KLHL18: variants seen among roughly 807,000 people sequenced by gnomAD.
The protein encoded by KLHL18 is kelch like family member 18.
A neutral mutation model predicts 58.5 loss-of-function variants in KLHL18; 38 were observed. The ratio of observed to expected loss-of-function variants is 0.65; its 90% CI spans 0.50 to 0.85. KLHL18 has a LOEUF of 0.85. Among genes scored for constraint, KLHL18 ranks in the 40% least tolerant of loss-of-function variants. The probability of loss-of-function intolerance (pLI) is 0.00; values close to 1 mark genes in which losing one functional copy is unlikely to be tolerated. For missense variants in KLHL18, 624 were observed against 778.4 expected (o/e 0.80, Z 2.36); for synonymous variants, 303 against 301.9 (o/e 1.00, Z -0.04).
At chr3:47,341,894 T>A (rs1269801584) in intron 8 of KLHL18, among the ~76,000 whole-genome samples, 1 of 98,106 alleles carries the variant, frequency 1.0e-5, no homozygotes, top group African/African-American at 3.7e-5. Context: ...CCCTGTCTCT[T>A]TTAAAAAAAA....
At chr3:47,327,096 G>A (rs967610862) in intron 3 of KLHL18, among the ~76,000 whole-genome samples, 6 of 151,962 alleles carry the variant, frequency 3.9e-5, no homozygotes, top group African/African-American at 1.5e-4. Flanking sequence ...AAAATGAGCC[G>A]GCCGTGGTGG....
intron 1 of KLHL18, among the ~76,000 whole-genome samples, chr3:47,313,754 G>C (rs1368718992): frequency 1.3e-5 from 2 of 152,134 alleles, no homozygotes; most frequent in Non-Finnish European, 2.9e-5. Flanking sequence ...AACTCAAGCT[G>C]AGAGAAGGTA....
chr3:47,296,086 G>C (rs895897746), intron 1 of KLHL18, among the ~76,000 whole-genome samples: 6 of 152,182 alleles, frequency 3.9e-5, no homozygotes, highest in Non-Finnish European at 8.8e-5. Context: ...GTGGGGGCCT[G>C]TTCGAAGTGC....
chr3:47,300,309 A>ATATATATATATATATG (rs1244173185), intron 1 of KLHL18, among the ~76,000 whole-genome samples: 3 of 144,404 alleles, frequency 2.1e-5, no homozygotes, highest in Non-Finnish European at 4.5e-5. Context: ...ATATATATAT[A>ATATATATATATATATG]TGTGTGTATA....
At chr3:47,342,206 G>A (rs887208862) in intron 8 of KLHL18, among the ~76,000 whole-genome samples, 1 of 152,212 alleles carries the variant, frequency 6.6e-6, no homozygotes, top group Non-Finnish European at 1.5e-5. Flanking sequence ...GGCTGGGTGG[G>A]GTCGGATGGG....
Position 47,292,058 on chromosome 3 carries a change from A to C in KLHL18, c.129+8964A>C, listed in dbSNP as rs73831493. Reference sequence around the variant, plus strand: ...GATGGCTCTTACGTTCCAGTGAAACAGACAGTCTGTGTTCAGGGCCTTGAA... The same window carrying C: ...GATGGCTCTTACGTTCCAGTGAAACCGACAGTCTGTGTTCAGGGCCTTGAA... On this transcript the variant is annotated intron_variant, in intron 1 of 9. Coordinates refer to ENST00000232766, the MANE Select transcript of KLHL18 (RefSeq NM_025010.5). 1.9e-3 allele frequency among the ~76,000 whole-genome samples: 281 copies of C among 150,648 alleles called. 2 individuals carry two copies. Among genetic ancestry groups the C allele is most frequent in the African/African-American group, 6.5e-3 (269 of 41,472 alleles).
intron 1 of KLHL18, among the ~76,000 whole-genome samples, chr3:47,299,430 A>C (rs1404975569): frequency 2.0e-5 from 3 of 151,960 alleles, no homozygotes; most frequent in African/African-American, 4.8e-5. Flanking sequence ...CTTTCAGTAA[A>C]GTTGATTACC....
In KLHL18 at chr3:47,319,796, A is replaced by C; in HGVS notation, c.260+13A>C. 1.2e-6 allele frequency: 2 copies of C among 1,612,106 alleles called. No individual in the cohort carries two copies. Among genetic ancestry groups the C allele is most frequent in the Non-Finnish European group, 8.5e-7 (1 of 1,178,584 alleles). Reference sequence around the variant, plus strand: ...GAATGGACCCAAGGTACTGAATCCCACCATTAGGTTTCGCAGGCTGCTTTC... The same window carrying C: ...GAATGGACCCAAGGTACTGAATCCCCCCATTAGGTTTCGCAGGCTGCTTTC... On this transcript the variant is annotated intron_variant, in intron 2 of 9. Transcript: ENST00000232766.
In KLHL18 at chr3:47,334,744, G is replaced by C; in HGVS notation, c.823G>C (p.Ala275Pro). The C allele has an allele frequency of 1.2e-6, 2 of 1,614,170 alleles. No individual in the cohort carries two copies. The highest frequency in any genetic ancestry group is 1.7e-6 in the Non-Finnish European group (2 of 1,180,024). The change falls in exon 6 of 10, where the codon GCT (alanine) becomes CCT (proline). Residue 275 changes from alanine (A) to proline (P), a missense_variant. Transcript: ENST00000232766. The surrounding 1 kb of genome is among the most constrained non-coding windows in gnomAD (Gnocchi z 4.7). ...GCCAGAGCGCCGGCCCCACCTGCCAGCTTTCAGAACCCGGCCACGCTGCTG... is the reference window on the plus strand; with the variant it reads ...GCCAGAGCGCCGGCCCCACCTGCCACCTTTCAGAACCCGGCCACGCTGCTG... ...LMPERRPHLP[A>P]FRTRPRCCTS...
chr3:47,333,527 G>A (rs1177482953), intron 5 of KLHL18, among the ~76,000 whole-genome samples: 1 of 152,222 alleles, frequency 6.6e-6, no homozygotes, highest in Non-Finnish European at 1.5e-5. Context: ...TGCCATGTGG[G>A]AGCATCAAAG....
chr3:47,284,092 C>T (rs1342764584), intron 1 of KLHL18, among the ~76,000 whole-genome samples: 1 of 152,012 alleles, frequency 6.6e-6, no homozygotes, highest in Non-Finnish European at 1.5e-5. Flanking sequence ...ATTGTCTGGG[C>T]ATGGTAGCCT....
rs1704226454 is a variant in KLHL18, at chr3:47,346,405, G to C, written c.*2464G>C. 2 of 152,680 alleles carry C rather than the reference G, an allele frequency of 1.3e-5. No individual in the cohort carries two copies. The highest frequency in any genetic ancestry group is 4.8e-5 in the African/African-American group (2 of 41,452). The allele number at this position is 152,680 out of a possible 1,614,324, so 9.5% of individuals were successfully genotyped here. A position where few individuals can be genotyped will look rare whatever the true frequency, so the allele number is the denominator to read the frequency against. ...CCAGTAGGTTCCTCAGTCCGATGGT[G>C]AATGGCTATTCGTAAATGGCTGGTC... On this transcript the variant is annotated 3_prime_UTR_variant, in exon 10 of 10. Transcript: ENST00000232766.
At chr3:47,300,994 T>C (rs959674622) in intron 1 of KLHL18, among the ~76,000 whole-genome samples, 7 of 152,196 alleles carry the variant, frequency 4.6e-5, no homozygotes, top group African/African-American at 1.7e-4. Context: ...GGACATCTTC[T>C]TATGTGTTTA....
chr3:47,324,298 C>CTTTCTTTTTTTT (rs1703659922), intron 3 of KLHL18, among the ~76,000 whole-genome samples: 4 of 37,486 alleles, frequency 1.1e-4, no homozygotes, highest in Non-Finnish European at 1.4e-4. Context: ...TTCTTTCTTT[C>CTTTCTTTTTTTT]TTTTTTTTTT....
At chr3:47,310,399 T>A (rs925599593) in intron 1 of KLHL18, among the ~76,000 whole-genome samples, 13 of 152,264 alleles carry the variant, frequency 8.5e-5, no homozygotes, top group Non-Finnish European at 1.5e-4. Context: ...TCTTCTTTGC[T>A]GATAGATCCT....
In KLHL18 at chr3:47,340,741, G is replaced by T. The variant is rs1324267250; in HGVS notation, c.1226+65G>T. 5 of 1,586,716 alleles carry T rather than the reference G, an allele frequency of 3.2e-6. No individual in the cohort carries two copies. The East Asian group carries it at 1.1e-4, about 36-fold the overall frequency. On this transcript the variant is annotated intron_variant, in intron 8 of 9. Transcript: ENST00000232766. ...AACAGAGAGTATAAAAATCAGAACT[G>T]TAGTTTTTTTAATTTAAGCTTCTCA...
intron 1 of KLHL18, chr3:47,297,738 A>C (rs1702926789): frequency 2.3e-6 from 1 of 429,274 alleles, no homozygotes; most frequent in African/African-American, 2.0e-5. Flanking sequence ...TAGATGAAAT[A>C]GGCTTTAGAA....
At chr3:47,310,334 C>T (rs1703268563) in intron 1 of KLHL18, among the ~76,000 whole-genome samples, 2 of 152,168 alleles carry the variant, frequency 1.3e-5, no homozygotes, top group Non-Finnish European at 2.9e-5. Flanking sequence ...TTTTCTACCT[C>T]CAGACATCTT....
intron 1 of KLHL18, among the ~76,000 whole-genome samples, chr3:47,294,632 G>C (rs1288598061): frequency 1.3e-5 from 2 of 151,152 alleles, no homozygotes; most frequent in African/African-American, 4.9e-5. Flanking sequence ...AGGACACGAG[G>C]TCAGAGAAGT....
Sources: gnomAD v4.1 joint callset for allele counts (sites outside exome capture counted in the v4.1 genomes callset) on GRCh38, gnomAD v4.1.1 for gene constraint, Gnocchi (gnomAD v3.1) non-coding constraint, MANE v1.5 for transcripts, NCBI Gene and HGNC (gene_info 2026-07-23, HGNC 2026-07-21) for gene names.